AUTS2: variants seen among roughly 807,000 people sequenced by gnomAD.
The protein encoded by AUTS2 is autism susceptibility gene 2 protein.
In AUTS2, 17 loss-of-function variants were observed where a neutral mutation model predicts 112.4. The observed-to-expected ratio is 0.15, with a 90% CI of 0.10 to 0.23. The LOEUF (loss-of-function observed/expected upper bound fraction) is 0.23, where lower values mean the gene tolerates loss of function less well. AUTS2 is among the 10% of genes least tolerant of loss of function. The probability of loss-of-function intolerance (pLI) is 1.00; values close to 1 mark genes in which losing one functional copy is unlikely to be tolerated. For missense variants in AUTS2, 1,510 were observed against 1,701.6 expected, an observed-to-expected ratio of 0.89 and a Z score of 1.98; for synonymous variants, 751 against 702.7, an observed-to-expected ratio of 1.07 and a Z score of -1.09.
chr7:70,499,486 A>G (rs1287897438), intron 5 of AUTS2, among the ~76,000 whole-genome samples: 1 of 152,176 alleles, frequency 6.6e-6, no homozygotes, highest in Non-Finnish European at 1.5e-5. Flanking sequence ...AACACTGCAA[A>G]TAGGTTGGGT....
intron 5 of AUTS2, among the ~76,000 whole-genome samples, chr7:70,540,150 G>A (rs1187457437): frequency 6.6e-6 from 1 of 152,156 alleles, no homozygotes; most frequent in African/African-American, 2.4e-5. Context: ...CCAGCAAAAT[G>A]GAAAATAAGT....
intron 4 of AUTS2, among the ~76,000 whole-genome samples, chr7:70,155,112 A>G (rs1022055847): frequency 1.1e-4 from 17 of 152,116 alleles, no homozygotes; most frequent in Admixed American, 7.9e-4. Flanking sequence ...ATTTCTAGAG[A>G]GTGGTCATCT....
intron 4 of AUTS2, among the ~76,000 whole-genome samples, chr7:70,392,171 A>G (rs1386466631): frequency 6.6e-6 from 1 of 152,178 alleles, no homozygotes; most frequent in Non-Finnish European, 1.5e-5. Flanking sequence ...TCCTCGCCCT[A>G]GACAGAAGGC....
chr7:70,512,609 A>G (rs1469109196), intron 5 of AUTS2, among the ~76,000 whole-genome samples: 1 of 152,130 alleles, frequency 6.6e-6, no homozygotes, highest in East Asian at 1.9e-4. Context: ...TTAAAGGACT[A>G]AAGGACTCCC....
At chr7:70,765,813 T>G (rs2129557422) in intron 8 of AUTS2, among the ~76,000 whole-genome samples, 1 of 152,204 alleles carries the variant, frequency 6.6e-6, no homozygotes, top group South Asian at 2.1e-4. Flanking sequence ...ATGCCCAGGG[T>G]CACTCAGCCA....
rs1795436573 is a variant in AUTS2, at chr7:70,426,304, T to TC, written c.661-9444dup. ...ACCCTCTGTGATTCCACCCCGCCTC[T>TC]CCCCTGGCTGCACCAGGCCTCTCAT... On this transcript the variant is annotated intron_variant, in intron 4 of 18. Transcript: ENST00000342771. Among the ~76,000 whole-genome samples, 7 of 152,248 alleles carry TC rather than the reference T, an allele frequency of 4.6e-5. No individual in the cohort carries two copies. In the East Asian group the frequency reaches 1.3e-3, roughly 29 times the overall value.
At chr7:69,728,664 G>A (rs1480939432) in intron 1 of AUTS2, among the ~76,000 whole-genome samples, 6 of 147,790 alleles carry the variant, frequency 4.1e-5, no homozygotes, top group Non-Finnish European at 5.9e-5. Context: ...CAGGCTGGTA[G>A]GTTGCTTGCT....
At chr7:69,943,168 T>C (rs1176019319) in intron 2 of AUTS2, among the ~76,000 whole-genome samples, 2 of 152,198 alleles carry the variant, frequency 1.3e-5, no homozygotes, top group African/African-American at 4.8e-5. Flanking sequence ...TAGATTAAGA[T>C]ATAAGGATGT....
chr7:70,522,915 C>G (rs1799700803), intron 5 of AUTS2, among the ~76,000 whole-genome samples: 1 of 152,272 alleles, frequency 6.6e-6, no homozygotes, highest in South Asian at 2.1e-4. Flanking sequence ...CATGTAATTG[C>G]CACAACTGAG....
intron 1 of AUTS2, among the ~76,000 whole-genome samples, chr7:69,641,141 G>T (rs546079877): frequency 2.0e-4 from 31 of 152,344 alleles, no homozygotes; most frequent in African/African-American, 7.5e-4. Context: ...TGGCTGTCCA[G>T]TGGAGGAGAC....
At chr7:70,661,878 G>GA (rs530651596) in intron 5 of AUTS2, among the ~76,000 whole-genome samples, 5 of 147,018 alleles carry the variant, frequency 3.4e-5, no homozygotes, top group South Asian at 2.2e-4. Flanking sequence ...GTTGTTTGAA[G>GA]AAAAAAAAAA....
chr7:70,451,425 A>T (rs1585160713), intron 5 of AUTS2, among the ~76,000 whole-genome samples: 1 of 152,098 alleles, frequency 6.6e-6, no homozygotes, highest in Admixed American at 6.5e-5. Flanking sequence ...AGCACTTGAT[A>T]TTTGTATAGC....
chr7:70,158,103 G>C (rs1807881491), intron 4 of AUTS2, among the ~76,000 whole-genome samples: 1 of 152,138 alleles, frequency 6.6e-6, no homozygotes, highest in African/African-American at 2.4e-5. Flanking sequence ...TGTGGGGCCT[G>C]GTTATTTGGA....
At chr7:70,305,988 A>G (rs1789476039) in intron 4 of AUTS2, among the ~76,000 whole-genome samples, 1 of 152,144 alleles carries the variant, frequency 6.6e-6, no homozygotes, top group African/African-American at 2.4e-5. Flanking sequence ...AAGAAATGCA[A>G]GTGGGAAAAA....
chr7:69,675,685 T>G (rs1042711998), intron 1 of AUTS2, among the ~76,000 whole-genome samples: 4 of 151,880 alleles, frequency 2.6e-5, no homozygotes, highest in Non-Finnish European at 5.9e-5. Context: ...TTTTGTATTT[T>G]TAGTGGAGAC....
At position 70,711,674 on chromosome 7, in the gene AUTS2, A is replaced by T. The variant is rs75095505; in HGVS notation, c.742+13054A>T. Among the ~76,000 whole-genome samples, 1,330 of 152,318 alleles carry T rather than the reference A, an allele frequency of 8.7e-3. 15 individuals are homozygous for T. Among genetic ancestry groups the T allele is most frequent in the African/African-American group, 0.03 (1,267 of 41,568 alleles). The stretch of plus-strand genomic sequence containing the variant: ...AGAGAATGACAGCTTTGGAAATGGC[A>T]TGCTAGTTACTGCTGCAAGTGAGGC... On this transcript the variant is annotated intron_variant, in intron 6 of 18. Transcript: ENST00000342771.
At chr7:70,058,799 G>A (rs1283545638) in intron 2 of AUTS2, among the ~76,000 whole-genome samples, 2 of 152,098 alleles carry the variant, frequency 1.3e-5, no homozygotes, top group African/African-American at 4.8e-5. Context: ...TCAGAAAAGT[G>A]TATCCCGTTT....
At chr7:69,735,377 C>T (rs953077350) in intron 1 of AUTS2, among the ~76,000 whole-genome samples, 1 of 152,088 alleles carries the variant, frequency 6.6e-6, no homozygotes, top group Non-Finnish European at 1.5e-5. Flanking sequence ...ATTCTGGTGG[C>T]CCTGCAGAGC....
At chr7:69,629,121 G>GTA (rs1233039799) in intron 1 of AUTS2, among the ~76,000 whole-genome samples, 1 of 152,116 alleles carries the variant, frequency 6.6e-6, no homozygotes, top group Non-Finnish European at 1.5e-5. Context: ...GGTGGCTGTT[G>GTA]TATACCCTTT....
Sources: allele counts gnomAD v4.1 joint callset (sites outside exome capture counted in the v4.1 genomes callset), GRCh38; gene constraint gnomAD v4.1.1; transcripts MANE v1.5; gene names NCBI Gene and HGNC (gene_info 2026-07-23, HGNC 2026-07-21).